The following PIGU variants were observed in gnomAD, a reference collection of about 807,000 sequenced individuals.
PIGU encodes phosphatidylinositol glycan anchor biosynthesis class U.
A neutral mutation model predicts 49.9 loss-of-function variants in PIGU; 24 were observed. The observed-to-expected ratio is 0.48, with a 90% CI of 0.35 to 0.68. The LOEUF is 0.68. PIGU is among the 30% of genes least tolerant of loss of function. The pLI, the probability that PIGU is intolerant of heterozygous loss-of-function variation, is 0.01. For missense variants in PIGU, 490 were observed against 532.6 expected, an observed-to-expected ratio of 0.92 and a Z score of 0.79; for synonymous variants, 220 against 205.7, an observed-to-expected ratio of 1.07 and a Z score of -0.59.
At chr20:34,635,294 T>A (rs1311397121) in intron 5 of PIGU, among the ~76,000 whole-genome samples, 3 of 152,224 alleles carry the variant, frequency 2.0e-5, no homozygotes, top group Non-Finnish European at 4.4e-5. Flanking sequence ...TAAAGCAGCT[T>A]AGATGTAGCC....
chr20:34,615,024 G>A lies in PIGU; in HGVS notation c.627+1018C>T, dbSNP rs539570044. 5.6e-4 allele frequency among the ~76,000 whole-genome samples: 85 copies of A among 152,304 alleles called. 1 individual carries two copies. The South Asian group carries it at 0.015, about 27-fold the overall frequency. Reference sequence around the variant, plus strand: ...TTGAGTAGAACAAGATGATTAGAGAGCACGCTCTGGCATCAGATGGCCATG... The same window carrying A: ...TTGAGTAGAACAAGATGATTAGAGAACACGCTCTGGCATCAGATGGCCATG... On this transcript the variant is annotated intron_variant, in intron 7 of 11. Transcript: ENST00000217446.
chr20:34,651,381 C>G (rs1221534147), intron 2 of PIGU, among the ~76,000 whole-genome samples: 2 of 152,210 alleles, frequency 1.3e-5, no homozygotes, highest in African/African-American at 4.8e-5. Context: ...TGCTTCTCCA[C>G]CTGTGTCACT....
chr20:34,561,062 G>T, intron 11 of PIGU, 83 bp from the exon 12 acceptor site: 2 of 925,568 alleles, frequency 2.2e-6, no homozygotes, highest in African/African-American at 1.7e-5. Flanking sequence ...AGGTGTTGTT[G>T]GAAGACAGGA....
At chr20:34,644,308 G>T in intron 3 of PIGU, 82 bp from the exon 4 acceptor site, 1 of 1,177,850 alleles carries the variant, frequency 8.5e-7, no homozygotes, top group Non-Finnish European at 1.3e-6. Flanking sequence ...TTGGAGTTTT[G>T]AGATAGTGAT....
At chr20:34,581,484 C>A in intron 10 of PIGU, 64 bp downstream of exon 10, 1 of 1,589,758 alleles carries the variant, frequency 6.3e-7, no homozygotes, top group Non-Finnish European at 8.6e-7. Flanking sequence ...AATTCCTTTT[C>A]CCTGCAGCAG....
intron 2 of PIGU, among the ~76,000 whole-genome samples, chr20:34,650,871 G>A (rs1310102126): frequency 3.3e-5 from 5 of 151,202 alleles, no homozygotes; most frequent in Non-Finnish European, 5.9e-5. Context: ...GCACCACCAT[G>A]CCTGGCTAAT....
At chr20:34,577,795 G>A (rs1444867561) in intron 10 of PIGU, among the ~76,000 whole-genome samples, 19 of 152,272 alleles carry the variant, frequency 1.2e-4, no homozygotes, top group Non-Finnish European at 1.5e-5. Flanking sequence ...TCTCTAGGGT[G>A]GGGTTCAGGC....
At chr20:34,617,207 C>T (rs7261964) in intron 6 of PIGU, among the ~76,000 whole-genome samples, 129,711 of 152,174 alleles carry the variant, frequency 0.85, 55,463 homozygotes, top group Admixed American at 0.92. Flanking sequence ...GGGCACCACC[C>T]AGTGGAGCTG....
chr20:34,640,875 T>A (rs926251272), intron 4 of PIGU, among the ~76,000 whole-genome samples: 1 of 152,156 alleles, frequency 6.6e-6, no homozygotes, highest in African/African-American at 2.4e-5. Flanking sequence ...TGCCAGGACA[T>A]AATTCCCCTA....
intron 1 of PIGU, among the ~76,000 whole-genome samples, chr20:34,660,637 C>T (rs1454006267): frequency 6.6e-6 from 1 of 152,178 alleles, no homozygotes; most frequent in Non-Finnish European, 1.5e-5. Flanking sequence ...GAGAAGACAT[C>T]AGGCAGACCC....
chr20:34,659,105 G>A (rs568664339), intron 1 of PIGU, among the ~76,000 whole-genome samples: 7 of 133,086 alleles, frequency 5.3e-5, no homozygotes, highest in East Asian at 2.4e-4. Flanking sequence ...CCGGCCAGCC[G>A]CCCCGTCCGG....
At chr20:34,672,666 A>G (rs990771446) in intron 1 of PIGU, among the ~76,000 whole-genome samples, 1 of 151,744 alleles carries the variant, frequency 6.6e-6, no homozygotes, top group Non-Finnish European at 1.5e-5. Flanking sequence ...CAGCCTAGGC[A>G]ATATATTGAG....
intron 10 of PIGU, among the ~76,000 whole-genome samples, chr20:34,578,485 T>C (rs543574448): frequency 1.8e-4 from 27 of 152,316 alleles, no homozygotes; most frequent in Admixed American, 1.6e-3. Flanking sequence ...CAAAATAAAA[T>C]GTTTGCAGCC....
chr20:34,662,459 G>C (rs1428427977), intron 1 of PIGU, among the ~76,000 whole-genome samples: 1 of 142,356 alleles, frequency 7.0e-6, no homozygotes, highest in African/African-American at 2.6e-5. Flanking sequence ...GCAGTGGCTT[G>C]ATCTTGGCTC....
At chr20:34,650,130 G>A (rs564320793) in intron 2 of PIGU, among the ~76,000 whole-genome samples, 37 of 152,240 alleles carry the variant, frequency 2.4e-4, no homozygotes, top group African/African-American at 8.9e-4. Context: ...TTACAGGCAT[G>A]AGCCACCGTG....
intron 10 of PIGU, among the ~76,000 whole-genome samples, chr20:34,577,917 A>T (rs1040068742): frequency 1.3e-5 from 2 of 152,218 alleles, no homozygotes; most frequent in Non-Finnish European, 2.9e-5. Context: ...ATGCCACCCA[A>T]CTGTGTCAAA....
At chr20:34,573,745 G>A (rs1568621388) in intron 11 of PIGU, among the ~76,000 whole-genome samples, 3 of 152,248 alleles carry the variant, frequency 2.0e-5, no homozygotes, top group South Asian at 2.1e-4. Flanking sequence ...TTCTGCCTGC[G>A]TGGGTCAGAA....
intron 7 of PIGU, among the ~76,000 whole-genome samples, chr20:34,610,702 C>T (rs1984780946): frequency 6.6e-6 from 1 of 152,186 alleles, no homozygotes; most frequent in Non-Finnish European, 1.5e-5. Context: ...CTAGAAAAAA[C>T]TACTTTAAAT....
intron 6 of PIGU, among the ~76,000 whole-genome samples, chr20:34,624,714 GCAACAGCCTT>G (rs1437174583): frequency 6.6e-6 from 1 of 152,188 alleles, no homozygotes; most frequent in Non-Finnish European, 1.5e-5. Flanking sequence ...CTTTGCCCAA[GCAACAGCCTT>G]CAAAGCGAAA....
Sources: gnomAD v4.1 joint callset for allele counts (sites outside exome capture counted in the v4.1 genomes callset) on GRCh38, gnomAD v4.1.1 for gene constraint, MANE v1.5 for transcripts, NCBI Gene and HGNC (gene_info 2026-07-23, HGNC 2026-07-21) for gene names.